The following P4HB variants were observed in gnomAD, a reference collection of about 807,000 sequenced individuals.
P4HB encodes the protein protein disulfide-isomerase.
A neutral mutation model predicts 52.6 loss-of-function variants in P4HB; 20 were observed. The ratio of observed to expected loss-of-function variants is 0.38; its 90% confidence interval spans 0.27 to 0.55. The LOEUF is 0.55. Ranked by LOEUF, P4HB falls within the 20% of genes least tolerant of loss-of-function variation. The pLI is 0.74. For synonymous variants in P4HB, 296 were observed against 277.9 expected (o/e 1.07, Z -0.65); for missense variants, 601 against 669.2 (o/e 0.90, Z 1.12).
At chr17:81,860,246 G>C in intron 1 of P4HB, 81 bp downstream of exon 1, 2 of 1,189,392 alleles carry the variant, frequency 1.7e-6, no homozygotes, top group Non-Finnish European at 2.2e-6. Context: ...CCGACCCCGG[G>C]GGCTGCCGGG....
Position 81,860,451 on chromosome 17 carries a change from C to T in P4HB, c.21G>A (p.Leu7=). 1 of 1,362,898 alleles carries T rather than the reference C, an allele frequency of 7.3e-7. No individual in the cohort carries two copies. Among genetic ancestry groups the T allele is most frequent in the Middle Eastern group, 1.9e-4 (1 of 5,336 alleles). 84.4% of individuals were successfully genotyped at this position (1,362,898 alleles called of 1,614,324 possible). A position where few individuals can be genotyped will look rare whatever the true frequency, so the allele number is the denominator to read the frequency against. The change falls in exon 1 of 11, where the codon CTG becomes CTA. Residue 7 remains leucine, a synonymous_variant. Coordinates refer to ENST00000331483, the MANE Select transcript of P4HB (RefSeq NM_000918.4). ...GCACCAGGGCGGCCACGGCCAGGCA[C>T]AGCAGAGCGCGGCGCAGCATGTCGG... MLRRAL[L]CLAVAALVRA... is the part of the protein sequence containing the mutation.
Position 81,846,723 on chromosome 17 carries a change from CT to C in P4HB, c.856-95del. 2.5e-5 allele frequency: 33 copies of C among 1,345,332 alleles called. No individual in the cohort carries two copies. Among genetic ancestry groups the C allele is most frequent in the South Asian group, 3.7e-5 (3 of 81,970 alleles). The allele number at this position is 1,345,332 out of a possible 1,614,324, so 83.3% of individuals were successfully genotyped here. A position where few individuals can be genotyped will look rare whatever the true frequency, so the allele number is the denominator to read the frequency against. ...TCGGAAGCAGACCGTGCTCCGGTGC[CT>C]TTTTCCTCCAACCTGGATTCCGGGG... On this transcript the variant is annotated intron_variant, in intron 6 of 10. Transcript: ENST00000331483. This position sits in a 1 kb window ranked among gnomAD's most constrained non-coding sequence, Gnocchi z 5.7.
chr17:81,852,452 C>G (rs115024797), intron 4 of P4HB, among the ~76,000 whole-genome samples: 1,698 of 152,332 alleles, frequency 0.011, 28 homozygotes, highest in African/African-American at 0.04. Context: ...GGAAAAGGAA[C>G]AAGTTGGACT....
Position 81,855,675 on chromosome 17 carries a change from C to A in P4HB, c.353-89G>T. On this transcript the variant is annotated intron_variant, in intron 2 of 10. Coordinates refer to ENST00000331483, the MANE Select transcript of P4HB (RefSeq NM_000918.4). This position sits in a 1 kb window ranked among gnomAD's most constrained non-coding sequence, Gnocchi z 4.3. Reference sequence around the variant, plus strand: ...GCTCCCGTCTCTGCTCTCTGCCAGCCAGGCTGAGGACACCTGAATCAACCT... The same window carrying A: ...GCTCCCGTCTCTGCTCTCTGCCAGCAAGGCTGAGGACACCTGAATCAACCT... 6.8e-7 allele frequency: 1 copy of A among 1,474,442 alleles called. No individual in the cohort carries two copies. Among genetic ancestry groups the A allele is most frequent in the Non-Finnish European group, 9.2e-7 (1 of 1,090,400 alleles). 91.3% of individuals were successfully genotyped at this position (1,474,442 alleles called of 1,614,324 possible).
chr17:81,845,805 G>C (rs531086669), intron 8 of P4HB, 63 bp from the exon 9 acceptor site: 3 of 1,612,992 alleles, frequency 1.9e-6, no homozygotes, highest in African/African-American at 2.7e-5. Flanking sequence ...CGCTTCCCCA[G>C]GAGTCTGCCT....
In P4HB at chr17:81,860,496, C is replaced by T. The variant is rs2038983412; in HGVS notation, c.-25G>A. 8.0e-7 allele frequency: 1 copy of T among 1,249,518 alleles called. No homozygotes were observed. Among genetic ancestry groups the T allele is most frequent in the Non-Finnish European group, 1.0e-6 (1 of 994,862 alleles). 77.4% of individuals were successfully genotyped at this position (1,249,518 alleles called of 1,614,324 possible). A position where few individuals can be genotyped will look rare whatever the true frequency, so the allele number is the denominator to read the frequency against. On this transcript the variant is annotated 5_prime_UTR_variant, in exon 1 of 11. Transcript: ENST00000331483. ...TGTCGGACACGGATCAGGCGGGGCG[C>T]TTCGGTTGGCGCCGCCGGGACAGCG...
chr17:81,853,769 A>G (rs2038870182), intron 4 of P4HB, among the ~76,000 whole-genome samples: 1 of 150,786 alleles, frequency 6.6e-6, no homozygotes, highest in African/African-American at 2.4e-5. Flanking sequence ...CCTGCCCCTC[A>G]CTCCCCAGGT....
intron 4 of P4HB, among the ~76,000 whole-genome samples, chr17:81,852,310 T>TAGGGAAGGA (rs2038844491): frequency 5.3e-5 from 8 of 152,016 alleles, no homozygotes; most frequent in Admixed American, 5.2e-4. Flanking sequence ...CAGTGCCTGC[T>TAGGGAAGGA]AGGGAAGGAA....
intron 4 of P4HB, among the ~76,000 whole-genome samples, chr17:81,850,518 C>T (rs2038812878): frequency 6.6e-6 from 1 of 151,916 alleles, no homozygotes; most frequent in South Asian, 2.1e-4. Context: ...GCTCTTGTTT[C>T]CCTGGCTAGA....
intron 2 of P4HB, among the ~76,000 whole-genome samples, chr17:81,856,894 C>T (rs1285359350): frequency 2.6e-5 from 4 of 152,048 alleles, no homozygotes; most frequent in East Asian, 3.9e-4. Context: ...GTGATCCGCC[C>T]GCCTCGGCCT....
In P4HB at chr17:81,855,617, C is replaced by A. The variant is rs760212480; in HGVS notation, c.353-31G>T. On this transcript the variant is annotated intron_variant, in intron 2 of 10. Transcript: ENST00000331483. The surrounding 1 kb of genome is among the most constrained non-coding windows in gnomAD (Gnocchi z 4.3). ...CCCAAACAAATGTAGGTTCTACTCT[C>A]AAACAGGGAGTGCCGCCTGCCCTGC... is the stretch of plus-strand genomic sequence containing the variant. 3.1e-6 allele frequency: 5 copies of A among 1,600,156 alleles called. No individual in the cohort carries two copies. The Admixed American group carries it at 8.5e-5, about 27-fold the overall frequency.
At chr17:81,854,523 CAG>C (rs1387499868) in intron 4 of P4HB, among the ~76,000 whole-genome samples, 3 of 140,872 alleles carry the variant, frequency 2.1e-5, no homozygotes, top group Admixed American at 7.4e-5. Context: ...GCCTGGGCGG[CAG>C]AGTGAGAAAC....
Position 81,846,785 on chromosome 17 carries a change from G to C in P4HB, c.856-156C>G, listed in dbSNP as rs2038742429. The C allele has an allele frequency of 8.3e-7, 1 of 1,200,410 alleles. No individual in the cohort carries two copies. Among genetic ancestry groups the C allele is most frequent in the Non-Finnish European group, 1.2e-6 (1 of 836,048 alleles). 74.4% of individuals were successfully genotyped at this position (1,200,410 alleles called of 1,614,324 possible). A position where few individuals can be genotyped will look rare whatever the true frequency, so the allele number is the denominator to read the frequency against. On this transcript the variant is annotated intron_variant, in intron 6 of 10. Transcript: ENST00000331483. The surrounding 1 kb of genome is among the most constrained non-coding windows in gnomAD (Gnocchi z 5.7). ...AGACCAGCAGGTGACTGGGAGCAGAGGTCTGGCCTGGCTGGCCCCTCGCCT... is the reference window on the plus strand; with the variant it reads ...AGACCAGCAGGTGACTGGGAGCAGACGTCTGGCCTGGCTGGCCCCTCGCCT...
chr17:81,848,873 C>T (rs554248483), intron 4 of P4HB, among the ~76,000 whole-genome samples: 7 of 150,718 alleles, frequency 4.6e-5, no homozygotes, highest in Middle Eastern at 3.5e-3. Context: ...GGTGAAACCT[C>T]GACTCTACCA....
At chr17:81,847,164 CAGTGGTGACCGGG>C (rs1405183204) in intron 5 of P4HB, 66 bp downstream of exon 5, 64 of 1,598,086 alleles carry the variant, frequency 4.0e-5, no homozygotes, top group Non-Finnish European at 2.6e-6. Flanking sequence ...CGCTGGACAG[CAGTGGTGACCGGG>C]AGCCTCATGC....
intron 2 of P4HB, 110 bp downstream of exon 2, chr17:81,859,071 A>G: frequency 3.1e-6 from 3 of 954,948 alleles, no homozygotes; most frequent in African/African-American, 1.6e-5. Context: ...GGATCCCTCC[A>G]AGCCTCTGGA....
intron 4 of P4HB, among the ~76,000 whole-genome samples, chr17:81,849,465 G>A (rs908410835): frequency 6.6e-6 from 1 of 151,956 alleles, no homozygotes; most frequent in African/African-American, 2.4e-5. Flanking sequence ...CACTGCATTC[G>A]AGCCTGGCAA....
Position 81,846,109 on chromosome 17 carries a change from A to G in P4HB, c.1057-118T>C, listed in dbSNP as rs1567836169. On this transcript the variant is annotated intron_variant, in intron 7 of 10. Coordinates refer to ENST00000331483, the MANE Select transcript of P4HB (RefSeq NM_000918.4). The surrounding 1 kb of genome is among the most constrained non-coding windows in gnomAD (Gnocchi z 5.7). ...GCTGCCCTGGGCACACCAGGGTGGC[A>G]GCCGCAGACACCAACAGTGCCAAGA... The G allele has an allele frequency of 1.1e-5, 14 of 1,263,510 alleles. No individual in the cohort carries two copies. The highest frequency in any genetic ancestry group is 1.6e-5 in the South Asian group (1 of 64,310). 78.3% of individuals were successfully genotyped at this position (1,263,510 alleles called of 1,614,324 possible).
At chr17:81,858,058 G>A (rs1457451751) in intron 2 of P4HB, among the ~76,000 whole-genome samples, 4 of 151,930 alleles carry the variant, frequency 2.6e-5, no homozygotes, top group Admixed American at 2.0e-4. Flanking sequence ...GGTGGATCAC[G>A]AGGTCACGAT....
Sources: allele counts gnomAD v4.1 joint callset (sites outside exome capture counted in the v4.1 genomes callset), GRCh38; gene constraint gnomAD v4.1.1; non-coding constraint Gnocchi (gnomAD v3.1); transcripts MANE v1.5; gene names NCBI Gene and HGNC (gene_info 2026-07-23, HGNC 2026-07-21).